DOCK1: variants seen among roughly 807,000 people sequenced by gnomAD.
DOCK1 encodes dedicator of cytokinesis protein 1.
Under a neutral mutation model 262.7 loss-of-function variants are expected in DOCK1, and 138 were observed. The observed-to-expected ratio is 0.53, with a 90% CI of 0.46 to 0.61. The LOEUF (loss-of-function observed/expected upper bound fraction) is 0.61. Ranked by LOEUF, DOCK1 falls within the 20% of genes least tolerant of loss-of-function variation. The probability of loss-of-function intolerance (pLI) is 0.00; values close to 1 mark genes in which losing one functional copy is unlikely to be tolerated. For missense variants in DOCK1, 1,908 were observed against 2,370.7 expected (o/e 0.80, Z 4.05); for synonymous variants, 866 against 867.4 (o/e 1.00, Z 0.03).
chr10:127,001,045 T>C (rs1591597891), intron 10 of DOCK1: 1 of 152,306 alleles, frequency 6.6e-6, no homozygotes, highest in Non-Finnish European at 1.5e-5. Context: ...TTTGCCCTAG[T>C]TCACTGTGAC....
intron 27 of DOCK1, among the ~76,000 whole-genome samples, chr10:127,149,987 C>T (rs2052331310): frequency 6.6e-6 from 1 of 152,158 alleles, no homozygotes; most frequent in Non-Finnish European, 1.5e-5. Context: ...GCTATACTTT[C>T]CCCTGCTGCT....
chr10:127,270,535 C>T (rs1486805714), intron 29 of DOCK1, among the ~76,000 whole-genome samples: 2 of 152,068 alleles, frequency 1.3e-5, no homozygotes, highest in Non-Finnish European at 2.9e-5. Context: ...TCCTCCCTCC[C>T]TCCCTCCCTC....
chr10:127,050,485 G>T lies in DOCK1; in HGVS notation c.2202-2196G>T, dbSNP rs978899787. Among the ~76,000 whole-genome samples, 34 of 152,030 alleles carry T rather than the reference G, an allele frequency of 2.2e-4. 1 individual carries two copies. Among genetic ancestry groups the T allele is most frequent in the Admixed American group, 1.3e-4 (2 of 15,260 alleles). Reference sequence around the variant, plus strand: ...CCCAGCACTTGGGGAGGCTGAGGTGGGTGGATCACGAGGTCAGGAGTTCGA... The same window carrying T: ...CCCAGCACTTGGGGAGGCTGAGGTGTGTGGATCACGAGGTCAGGAGTTCGA... On this transcript the variant is annotated intron_variant, in intron 21 of 51. Coordinates refer to ENST00000623213, the MANE Select transcript of DOCK1 (RefSeq NM_001290223.2).
At chr10:127,149,161 T>C (rs917275375) in intron 27 of DOCK1, among the ~76,000 whole-genome samples, 2 of 152,186 alleles carry the variant, frequency 1.3e-5, no homozygotes, top group East Asian at 1.9e-4. Flanking sequence ...CCTTGCATAA[T>C]TGTAAAAAGC....
intron 4 of DOCK1, 122 bp from the exon 5 acceptor site, chr10:126,987,399 T>G: frequency 1.5e-6 from 1 of 681,118 alleles, no homozygotes; most frequent in Non-Finnish European, 2.5e-6. Flanking sequence ...GTCTTATTTG[T>G]AGATTTTCTT....
At chr10:127,190,859 C>G (rs1416839903) in intron 27 of DOCK1, among the ~76,000 whole-genome samples, 1 of 151,942 alleles carries the variant, frequency 6.6e-6, no homozygotes, top group African/African-American at 2.4e-5. Context: ...GAGACTGGCA[C>G]ATTCTCATCT....
At chr10:126,928,465 C>A (rs1342718371) in intron 1 of DOCK1, among the ~76,000 whole-genome samples, 4 of 151,912 alleles carry the variant, frequency 2.6e-5, no homozygotes, top group African/African-American at 9.7e-5. Context: ...GCCTGGTGTC[C>A]TTGTTAAGAA....
intron 33 of DOCK1, among the ~76,000 whole-genome samples, chr10:127,363,468 CTAAA>C (rs760030038): frequency 5.3e-5 from 8 of 151,754 alleles, no homozygotes; most frequent in East Asian, 1.9e-4. Flanking sequence ...GACCCTGTCT[CTAAA>C]TAAATAAATA....
intron 10 of DOCK1, among the ~76,000 whole-genome samples, chr10:127,005,873 G>C (rs1376192071): frequency 2.0e-5 from 3 of 151,238 alleles, no homozygotes; most frequent in Non-Finnish European, 4.4e-5. Context: ...ACCATTTTTA[G>C]GCGTGCAGTT....
chr10:126,999,552 A>G, intron 9 of DOCK1, 117 bp downstream of exon 9: 1 of 750,584 alleles, frequency 1.3e-6, no homozygotes, highest in East Asian at 2.7e-5. Context: ...GCCTGTATAC[A>G]GGTTAATTTA....
intron 15 of DOCK1, chr10:127,026,142 T>C (rs2042843292): frequency 1.8e-6 from 1 of 550,202 alleles, no homozygotes. Context: ...TGTCACGGAG[T>C]CAGTTGGCTT....
At chr10:127,128,841 A>G (rs1439144595) in intron 27 of DOCK1, among the ~76,000 whole-genome samples, 1 of 152,202 alleles carries the variant, frequency 6.6e-6, no homozygotes, top group African/African-American at 2.4e-5. Flanking sequence ...CTTGGAACCA[A>G]CCTGAATGCC....
Position 127,451,474 on chromosome 10 carries a change from A to C in DOCK1, c.*47A>C. 6.5e-7 allele frequency: 1 copy of C among 1,550,238 alleles called. No individual in the cohort carries two copies. Among genetic ancestry groups the C allele is most frequent in the South Asian group, 1.2e-5 (1 of 84,056 alleles). Reference sequence around the variant, plus strand: ...GAGTGTGCTGCCCCTCCCCATCTCCATGCCCTCTCCTTCTGTGTCCCCTGA... The same window carrying C: ...GAGTGTGCTGCCCCTCCCCATCTCCCTGCCCTCTCCTTCTGTGTCCCCTGA... On this transcript the variant is annotated 3_prime_UTR_variant, in exon 52 of 52. Coordinates refer to ENST00000623213, the MANE Select transcript of DOCK1 (RefSeq NM_001290223.2).
intron 1 of DOCK1, among the ~76,000 whole-genome samples, chr10:126,952,708 GTAT>G (rs1339451805): frequency 7.0e-6 from 1 of 142,248 alleles, no homozygotes; most frequent in Non-Finnish European, 1.6e-5. Flanking sequence ...TGATGTGGTA[GTAT>G]TGTTGGTAGT....
chr10:127,279,051 G>T (rs947908073), intron 29 of DOCK1, among the ~76,000 whole-genome samples: 1 of 152,190 alleles, frequency 6.6e-6, no homozygotes, highest in Non-Finnish European at 1.5e-5. Flanking sequence ...AAATTCTGTT[G>T]TTCCTCCTTT....
intron 29 of DOCK1, among the ~76,000 whole-genome samples, chr10:127,283,622 A>G (rs1031889187): frequency 1.7e-4 from 26 of 152,224 alleles, no homozygotes; most frequent in African/African-American, 6.3e-4. Context: ...TTATTCTTTC[A>G]TAATCATGGT....
chr10:127,218,894 C>T (rs577062544), intron 27 of DOCK1, among the ~76,000 whole-genome samples: 5 of 152,300 alleles, frequency 3.3e-5, no homozygotes, highest in South Asian at 2.1e-4. Context: ...TCCAAGATGG[C>T]GCCTTGTTGC....
chr10:127,147,055 A>G (rs1011782343), intron 27 of DOCK1, among the ~76,000 whole-genome samples: 3 of 152,230 alleles, frequency 2.0e-5, no homozygotes, highest in Admixed American at 2.0e-4. Context: ...ATTACCAAGA[A>G]TGATGTGAGA....
intron 23 of DOCK1, among the ~76,000 whole-genome samples, chr10:127,070,809 T>G (rs1353549473): frequency 6.6e-6 from 1 of 151,706 alleles, no homozygotes; most frequent in Non-Finnish European, 1.5e-5. Context: ...AGATGTTTCA[T>G]TATAATCAAC....
Sources: allele counts gnomAD v4.1 joint callset (sites outside exome capture counted in the v4.1 genomes callset), GRCh38; gene constraint gnomAD v4.1.1; transcripts MANE v1.5; gene names NCBI Gene and HGNC (gene_info 2026-07-23, HGNC 2026-07-21).